RCOR1: variants seen among roughly 807,000 people sequenced by gnomAD.
The protein encoded by RCOR1 is REST corepressor 1, also known as REST corepressor.
In RCOR1, 12 loss-of-function variants were observed where a neutral mutation model predicts 64.0. The observed-to-expected ratio is 0.19, with a 90% confidence interval of 0.12 to 0.30. The LOEUF (loss-of-function observed/expected upper bound fraction) is 0.30. Among genes scored for constraint, RCOR1 ranks in the 10% least tolerant of loss-of-function variants. RCOR1 has a pLI of 1.00. For missense variants in RCOR1, 502 were observed against 621.2 expected (o/e 0.81, Z 2.04); for synonymous variants, 279 against 227.2 (o/e 1.23, Z -2.05).
intron 4 of RCOR1, among the ~76,000 whole-genome samples, chr14:102,705,705 C>G (rs527426931): frequency 6.6e-6 from 1 of 152,312 alleles, no homozygotes; most frequent in Admixed American, 6.5e-5. Flanking sequence ...GTGATCCTCT[C>G]ACCTCGGCCT....
At chr14:102,654,820 T>G (rs1352280073) in intron 2 of RCOR1, among the ~76,000 whole-genome samples, 1 of 110,328 alleles carries the variant, frequency 9.1e-6, no homozygotes, top group Non-Finnish European at 1.9e-5. Flanking sequence ...GTTCTTTTCC[T>G]TTTTTTTTGA....
At chr14:102,637,978 C>T (rs995608724) in intron 2 of RCOR1, among the ~76,000 whole-genome samples, 2 of 152,118 alleles carry the variant, frequency 1.3e-5, no homozygotes, top group Admixed American at 6.6e-5. Flanking sequence ...TTATCCATTT[C>T]TTTTTGTTCC....
chr14:102,615,848 A>G (rs1595195728), intron 2 of RCOR1, among the ~76,000 whole-genome samples: 1 of 152,180 alleles, frequency 6.6e-6, no homozygotes, highest in Non-Finnish European at 1.5e-5. Flanking sequence ...TTCTACCACT[A>G]CACTTTCACA....
At chr14:102,616,168 A>G (rs1486344213) in intron 2 of RCOR1, among the ~76,000 whole-genome samples, 1 of 151,568 alleles carries the variant, frequency 6.6e-6, no homozygotes, top group Non-Finnish European at 1.5e-5. Flanking sequence ...ACTCAGGGAA[A>G]TGTGTTTATC....
intron 2 of RCOR1, among the ~76,000 whole-genome samples, chr14:102,620,221 G>T (rs571721005): frequency 6.7e-6 from 1 of 149,872 alleles, no homozygotes; most frequent in Non-Finnish European, 1.5e-5. Context: ...GAGACACCCC[G>T]TCACCACACA....
chr14:102,616,248 G>A (rs56005920), intron 2 of RCOR1, among the ~76,000 whole-genome samples: 112,241 of 149,662 alleles, frequency 0.75, 41,832 homozygotes, highest in Middle Eastern at 0.81. Context: ...GTGTGTGTGT[G>A]TATGTGTGTG....
At chr14:102,644,852 G>T (rs982481353) in intron 2 of RCOR1, among the ~76,000 whole-genome samples, 1 of 152,192 alleles carries the variant, frequency 6.6e-6, no homozygotes, top group African/African-American at 2.4e-5. Context: ...CAGTTCTGGT[G>T]CCTGGGAATG....
At position 102,658,417 on chromosome 14, in the gene RCOR1, G is replaced by T. The variant is rs575545146; in HGVS notation, c.362-23478G>T. The T allele has an allele frequency of 5.7e-5, 32 of 557,828 alleles. 1 individual carries two copies. In the South Asian group the frequency reaches 2.2e-3, roughly 38 times the overall value. The allele number at this position is 557,828 out of a possible 1,614,324, so 34.6% of individuals were successfully genotyped here. ...CATGAGAAGTGCTTGAACTAGGGAGGTAAGAAGTTGCAGTGAGCCAAGATC... is the reference window on the plus strand; with the variant it reads ...CATGAGAAGTGCTTGAACTAGGGAGTTAAGAAGTTGCAGTGAGCCAAGATC... On this transcript the variant is annotated intron_variant, in intron 2 of 11. Transcript: ENST00000262241.
intron 11 of RCOR1, 54 bp downstream of exon 11, chr14:102,722,470 C>T (rs1896184667): frequency 7.0e-7 from 1 of 1,429,970 alleles, no homozygotes. Flanking sequence ...CTTGATACTC[C>T]AGTTTCTAAA....
chr14:102,599,403 C>T (rs974283754), intron 2 of RCOR1, among the ~76,000 whole-genome samples: 4 of 151,648 alleles, frequency 2.6e-5, no homozygotes, highest in African/African-American at 9.7e-5. Flanking sequence ...AAGTGCTGGG[C>T]TTACAGGTGT....
At chr14:102,647,979 T>C (rs1431450464) in intron 2 of RCOR1, among the ~76,000 whole-genome samples, 3 of 152,174 alleles carry the variant, frequency 2.0e-5, no homozygotes, top group Non-Finnish European at 4.4e-5. Context: ...ATGCTCGGCC[T>C]ATTATTTTTA....
intron 2 of RCOR1, among the ~76,000 whole-genome samples, chr14:102,667,412 A>T (rs1894936481): frequency 6.6e-6 from 1 of 151,972 alleles, no homozygotes; most frequent in South Asian, 2.1e-4. Context: ...GAAGGAGGAG[A>T]ATTGCTTGAA....
chr14:102,634,685 T>C (rs1894199548), intron 2 of RCOR1, among the ~76,000 whole-genome samples: 1 of 150,842 alleles, frequency 6.6e-6, no homozygotes, highest in African/African-American at 2.4e-5. Flanking sequence ...TACATACATA[T>C]ATATATGTGT....
intron 3 of RCOR1, among the ~76,000 whole-genome samples, chr14:102,695,710 T>A (rs1427282882): frequency 6.8e-6 from 1 of 147,352 alleles, no homozygotes; most frequent in African/African-American, 2.6e-5. Flanking sequence ...CATGCCCTGC[T>A]ATTTTTTTTT....
chr14:102,698,467 A>G (rs924408293), intron 3 of RCOR1, among the ~76,000 whole-genome samples: 6 of 152,180 alleles, frequency 3.9e-5, no homozygotes, highest in Non-Finnish European at 7.3e-5. Flanking sequence ...TTACTCAGTT[A>G]AGGTAGATAA....
intron 2 of RCOR1, chr14:102,662,166 C>G: frequency 2.5e-6 from 1 of 407,200 alleles, no homozygotes; most frequent in Non-Finnish European, 4.7e-6. Context: ...GTACATACTT[C>G]TGCAACTTTT....
At chr14:102,722,144 G>A (rs750387744) in intron 10 of RCOR1, 43 bp from the exon 11 acceptor site, 1 of 1,492,500 alleles carries the variant, frequency 6.7e-7, no homozygotes, top group Non-Finnish European at 9.3e-7. Flanking sequence ...TTAAAAAAAT[G>A]TTTTTCTCTT....
chr14:102,660,927 A>T (rs910485026), intron 2 of RCOR1, among the ~76,000 whole-genome samples: 2 of 152,202 alleles, frequency 1.3e-5, no homozygotes, highest in African/African-American at 2.4e-5. Context: ...ATTAGTTTTT[A>T]AAAAGGGCAA....
At chr14:102,704,690 G>A (rs141047129) in intron 4 of RCOR1, among the ~76,000 whole-genome samples, 1,598 of 152,332 alleles carry the variant, frequency 0.01, 33 homozygotes, top group African/African-American at 0.032. Context: ...TCGGCCTTCC[G>A]AAGTGCTGGG....
Sources: allele counts gnomAD v4.1 joint callset (sites outside exome capture counted in the v4.1 genomes callset), GRCh38; gene constraint gnomAD v4.1.1; transcripts MANE v1.5; gene names NCBI Gene and HGNC (gene_info 2026-07-23, HGNC 2026-07-21).